The following PNO1 variants were observed in gnomAD, a reference collection of about 807,000 sequenced individuals.
PNO1 encodes RNA-binding protein PNO1.
A neutral mutation model predicts 28.4 loss-of-function variants in PNO1; 16 were observed. The ratio of observed to expected loss-of-function variants is 0.56; its 90% CI spans 0.38 to 0.85. The LOEUF (loss-of-function observed/expected upper bound fraction) is 0.85, where lower values mean the gene tolerates loss of function less well. PNO1 is among the 40% of genes least tolerant of loss of function. The pLI is 0.00. For synonymous variants in PNO1, 115 were observed against 110.8 expected, an observed-to-expected ratio of 1.04 and a Z score of -0.24; for missense variants, 304 against 312.2, an observed-to-expected ratio of 0.97 and a Z score of 0.20.
rs145761768 is a variant in PNO1, at chr2:68,162,592, C to G, written c.549C>G (p.Ile183Met). 5 of 1,613,734 alleles carry G rather than the reference C, an allele frequency of 3.1e-6. No individual in the cohort carries two copies. Among genetic ancestry groups the G allele is most frequent in the Non-Finnish European group, 4.2e-6 (5 of 1,179,850 alleles). The change falls in exon 5 of 7, where the codon ATC becomes ATG. Residue 183 changes from isoleucine (I) to methionine (M), a missense_variant. By Grantham distance (10) the Ile-to-Met change is conservative. Coordinates refer to ENST00000263657, the MANE Select transcript of PNO1 (RefSeq NM_020143.4). ...ATCTATCCAGGGCAATAGGAAGAAT[C>G]GCTGGCAAAGGAGGAAAAACCAAAT... ...GDHLSRAIGR[I>M]AGKGGKTKFT...
chr2:68,174,507 T>A (rs1438232588), intron 6 of PNO1, among the ~76,000 whole-genome samples: 3 of 152,124 alleles, frequency 2.0e-5, no homozygotes, highest in African/African-American at 7.2e-5. Context: ...ACTATTTACA[T>A]AGCATTTGCA....
chr2:68,167,104 A>G (rs926539645), intron 5 of PNO1, among the ~76,000 whole-genome samples: 2 of 152,192 alleles, frequency 1.3e-5, no homozygotes, highest in Non-Finnish European at 2.9e-5. Flanking sequence ...AGTGTCTTCA[A>G]TGGCATGGTC....
At position 68,165,088 on chromosome 2, in the gene PNO1, G is replaced by A. The variant is rs190506203; in HGVS notation, c.620+2425G>A. Among the ~76,000 whole-genome samples, 8 of 152,152 alleles carry A rather than the reference G, an allele frequency of 5.3e-5. No homozygotes were observed. The East Asian group carries it at 5.8e-4, about 11-fold the overall frequency. On this transcript the variant is annotated intron_variant, in intron 5 of 6. Transcript: ENST00000263657. ...TCATGAATTTAGAAATCCATGGCCC[G>A]GCACGGTGGCTCACACCTGTAATCC... is the stretch of plus-strand genomic sequence containing the variant.
chr2:68,169,384 C>T (rs768317113), intron 5 of PNO1, among the ~76,000 whole-genome samples: 35 of 152,228 alleles, frequency 2.3e-4, no homozygotes, highest in Non-Finnish European at 3.2e-4. Flanking sequence ...GCAAGAACTG[C>T]GAGAAATCAC....
intron 5 of PNO1, among the ~76,000 whole-genome samples, chr2:68,163,750 C>A (rs993277248): frequency 1.1e-4 from 17 of 152,188 alleles, no homozygotes; most frequent in Admixed American, 6.5e-5. Context: ...AACTAGAGAG[C>A]AGTTATATGT....
chr2:68,170,101 A>G (rs1283773422), intron 5 of PNO1, among the ~76,000 whole-genome samples: 1 of 152,220 alleles, frequency 6.6e-6, no homozygotes, highest in African/African-American at 2.4e-5. Context: ...CTAGTTGGAA[A>G]TCCACGTTTA....
intron 1 of PNO1, 93 bp downstream of exon 1, chr2:68,158,234 C>T (rs530219244): frequency 2.2e-5 from 31 of 1,408,004 alleles, no homozygotes; most frequent in Non-Finnish European, 3.0e-5. Context: ...TGCGGTGGGG[C>T]TGTTCTGCCG....
intron 5 of PNO1, among the ~76,000 whole-genome samples, chr2:68,165,803 C>T (rs531470343): frequency 2.6e-5 from 4 of 152,184 alleles, no homozygotes; most frequent in South Asian, 4.1e-4. Context: ...CTAAAATTTA[C>T]TAGTTAAACC....
chr2:68,173,014 A>G (rs1326516819), intron 5 of PNO1: 1 of 203,338 alleles, frequency 4.9e-6, no homozygotes, highest in South Asian at 1.7e-4. Flanking sequence ...TCTGACTCAA[A>G]TATCATGATT....
intron 5 of PNO1, among the ~76,000 whole-genome samples, chr2:68,165,166 C>T (rs1438371493): frequency 6.6e-6 from 1 of 151,126 alleles, no homozygotes; most frequent in East Asian, 2.0e-4. Flanking sequence ...AGATCGAGAC[C>T]ATCCCGGCTA....
At chr2:68,161,173 G>A in intron 2 of PNO1, 1 of 468,832 alleles carries the variant, frequency 2.1e-6, no homozygotes, top group South Asian at 1.6e-5. Context: ...AAACTTTGAG[G>A]ACAGGTTCAG....
chr2:68,168,854 T>G (rs1161504823), intron 5 of PNO1, among the ~76,000 whole-genome samples: 1 of 152,042 alleles, frequency 6.6e-6, no homozygotes, highest in Admixed American at 6.6e-5. Flanking sequence ...TCATTTATCT[T>G]GAAGTGGTGG....
intron 5 of PNO1, among the ~76,000 whole-genome samples, chr2:68,169,626 C>T (rs1212933758): frequency 6.6e-6 from 1 of 152,196 alleles, no homozygotes; most frequent in Non-Finnish European, 1.5e-5. Context: ...TTTCTCTTGA[C>T]TACAAATGGC....
chr2:68,168,781 A>G (rs4671876), intron 5 of PNO1, among the ~76,000 whole-genome samples: 113,479 of 152,080 alleles, frequency 0.75, 43,403 homozygotes, highest in African/African-American at 0.93. Flanking sequence ...ATCTGCTGTT[A>G]TAGCTGCAGT....
chr2:68,160,668 A>C (rs1348904048), intron 2 of PNO1, among the ~76,000 whole-genome samples: 1 of 152,216 alleles, frequency 6.6e-6, no homozygotes, highest in Non-Finnish European at 1.5e-5. Context: ...GATGTGAGGA[A>C]ACTTGGCCAC....
Position 68,158,449 on chromosome 2 carries a change from A to C in PNO1, c.277A>C (p.Met93Leu). The C allele has an allele frequency of 3.1e-6, 5 of 1,613,388 alleles. No individual in the cohort carries two copies. The highest frequency in any genetic ancestry group is 4.2e-6 in the Non-Finnish European group (5 of 1,179,302). The change falls in exon 2 of 7, where the codon ATG becomes CTG. Residue 93 changes from methionine (M) to leucine (L), a missense_variant. By Grantham distance (15) the Met-to-Leu change is conservative (BLOSUM62 2). Coordinates refer to ENST00000263657, the MANE Select transcript of PNO1 (RefSeq NM_020143.4). Reference sequence around the variant, plus strand: ...ATACACACCATTGAAAGAAAACTGGATGAAGATATTTACTCCTATTGTGGA... The same window carrying C: ...ATACACACCATTGAAAGAAAACTGGCTGAAGATATTTACTCCTATTGTGGA... ...NRYTPLKENW[M>L]KIFTPIVEHL... is the part of the protein sequence containing the mutation.
chr2:68,174,862 G>A lies in PNO1; in HGVS notation c.*60G>A, dbSNP rs1187341872. 2.8e-6 allele frequency: 3 copies of A among 1,075,826 alleles called. No individual in the cohort carries two copies. Among genetic ancestry groups the A allele is most frequent in the Non-Finnish European group, 4.2e-6 (3 of 707,560 alleles). 66.6% of individuals were successfully genotyped at this position (1,075,826 alleles called of 1,614,324 possible). A position where few individuals can be genotyped will look rare whatever the true frequency, so the allele number is the denominator to read the frequency against. Reference sequence around the variant, plus strand: ...CTCTGGTGAAAAATACTTTACAGTGGTCGGTCACAAGAAACCAGCTGAACA... The same window carrying A: ...CTCTGGTGAAAAATACTTTACAGTGATCGGTCACAAGAAACCAGCTGAACA... On this transcript the variant is annotated 3_prime_UTR_variant, in exon 7 of 7. Coordinates refer to ENST00000263657, the MANE Select transcript of PNO1 (RefSeq NM_020143.4).
At chr2:68,160,755 T>G (rs1572936347) in intron 2 of PNO1, among the ~76,000 whole-genome samples, 1 of 152,206 alleles carries the variant, frequency 6.6e-6, no homozygotes, top group East Asian at 1.9e-4. Context: ...GACCTCCTCA[T>G]TTTACTGATG....
chr2:68,162,236 G>A (rs764217991), intron 3 of PNO1, 29 bp from the exon 4 acceptor site: 8 of 1,556,928 alleles, frequency 5.1e-6, no homozygotes, highest in Non-Finnish European at 7.1e-6. Context: ...AATGGAAGGG[G>A]CTTCACGGTG....
Sources: gnomAD v4.1 joint callset for allele counts (sites outside exome capture counted in the v4.1 genomes callset) on GRCh38, gnomAD v4.1.1 for gene constraint, MANE v1.5 for transcripts, NCBI Gene and HGNC (gene_info 2026-07-23, HGNC 2026-07-21) for gene names.